The following MAP4 variants were observed in gnomAD, a reference collection of about 807,000 sequenced individuals.
MAP4 encodes the protein microtubule associated protein 4.
MAP4 carries 76 observed loss-of-function variants against 170.2 expected under a neutral mutation model. The observed-to-expected ratio is 0.45, with a 90% CI of 0.37 to 0.54. MAP4 has a LOEUF of 0.54. MAP4 is among the 20% of genes least tolerant of loss of function. The pLI, the probability that MAP4 is intolerant of heterozygous loss-of-function variation, is 0.00. For missense variants in MAP4, 2,506 were observed against 2,748.0 expected, an observed-to-expected ratio of 0.91 and a Z score of 1.97; for synonymous variants, 909 against 994.5, an observed-to-expected ratio of 0.91 and a Z score of 1.62.
intron 2 of MAP4, among the ~76,000 whole-genome samples, chr3:47,979,675 G>C (rs1189761770): frequency 6.6e-6 from 1 of 152,034 alleles, no homozygotes; most frequent in Non-Finnish European, 1.5e-5. Flanking sequence ...TGGCCAAGCT[G>C]GTCTCAAACT....
chr3:47,894,074 A>G (rs74971749), intron 10 of MAP4, among the ~76,000 whole-genome samples: 1 of 147,276 alleles, frequency 6.8e-6, no homozygotes, highest in East Asian at 2.0e-4. Context: ...TGCAATGCTG[A>G]AAAAAAAAAA....
intron 1 of MAP4, among the ~76,000 whole-genome samples, chr3:48,003,094 GAA>G (rs1229589081): frequency 1.3e-5 from 2 of 151,956 alleles, no homozygotes; most frequent in African/African-American, 2.4e-5. Context: ...TTATGTCAAA[GAA>G]AGACACGCAC....
intron 17 of MAP4, among the ~76,000 whole-genome samples, chr3:47,865,702 G>A (rs2151493701): frequency 1.3e-5 from 2 of 152,304 alleles, no homozygotes; most frequent in East Asian, 1.9e-4. Flanking sequence ...TAAGGAGAAA[G>A]AACCGAATGA....
At chr3:47,900,529 A>C (rs1027188448) in intron 10 of MAP4, among the ~76,000 whole-genome samples, 1 of 152,090 alleles carries the variant, frequency 6.6e-6, no homozygotes, top group Admixed American at 6.6e-5. Context: ...CACCTGCTGG[A>C]GTTTGAGACT....
At chr3:48,054,500 G>C (rs1344349935) in intron 1 of MAP4, among the ~76,000 whole-genome samples, 1 of 150,624 alleles carries the variant, frequency 6.6e-6, no homozygotes, top group South Asian at 2.1e-4. Context: ...TGTGGTGGCG[G>C]GCGCCTGTAA....
intron 2 of MAP4, among the ~76,000 whole-genome samples, chr3:47,994,505 G>T (rs761117225): frequency 6.6e-6 from 1 of 152,162 alleles, no homozygotes; most frequent in Non-Finnish European, 1.5e-5. Context: ...CATCATCTGG[G>T]AATGAGCCTA....
chr3:48,030,502 C>T lies in MAP4; in HGVS notation c.-19-31623G>A, dbSNP rs1294490756. 4.7e-5 allele frequency among the ~76,000 whole-genome samples: 7 copies of T among 147,970 alleles called. No homozygotes were observed. The East Asian group carries it at 5.9e-4, about 13-fold the overall frequency. ...AATAAAAATAAAAAAAAAAAAACAA[C>T]GATAGGGGTAAGTTGGCCGGACGAG... On this transcript the variant is annotated intron_variant, in intron 1 of 18. Transcript: ENST00000360240.
intron 3 of MAP4, among the ~76,000 whole-genome samples, chr3:47,950,147 G>A (rs1430931124): frequency 6.6e-6 from 1 of 152,154 alleles, no homozygotes; most frequent in Non-Finnish European, 1.5e-5. Flanking sequence ...CTCTGCCTCA[G>A]GCACAGAGGG....
chr3:48,069,406 GTTA>G (rs1210851674), intron 1 of MAP4, among the ~76,000 whole-genome samples: 7 of 152,172 alleles, frequency 4.6e-5, no homozygotes. Context: ...AGACCTCACA[GTTA>G]TTATGTGGTA....
At chr3:48,071,487 T>C (rs1346370840) in intron 1 of MAP4, among the ~76,000 whole-genome samples, 1 of 151,868 alleles carries the variant, frequency 6.6e-6, no homozygotes, top group African/African-American at 2.4e-5. Flanking sequence ...AGGTCAAGGC[T>C]GCAATGAGCC....
intron 1 of MAP4, among the ~76,000 whole-genome samples, chr3:48,029,988 CA>C (rs67775405): frequency 2.8e-4 from 36 of 130,592 alleles, no homozygotes; most frequent in South Asian, 1.2e-3. Context: ...GATTCCATCT[CA>C]AAAAAAAAAA....
At chr3:47,906,778 G>C (rs1378123379) in intron 9 of MAP4, among the ~76,000 whole-genome samples, 1 of 147,428 alleles carries the variant, frequency 6.8e-6, no homozygotes, top group Non-Finnish European at 1.5e-5. Context: ...CTAGAGACAT[G>C]TACCAGGAAA....
chr3:47,897,306 T>C (rs1171276427), intron 10 of MAP4, among the ~76,000 whole-genome samples: 1 of 152,076 alleles, frequency 6.6e-6, no homozygotes, highest in Non-Finnish European at 1.5e-5. Context: ...TTTGTATTTT[T>C]AGTAGAGACA....
intron 3 of MAP4, among the ~76,000 whole-genome samples, chr3:47,955,103 G>A (rs968333590): frequency 1.3e-5 from 2 of 152,128 alleles, no homozygotes; most frequent in African/African-American, 4.8e-5. Flanking sequence ...TTTGTCCTGT[G>A]CAGAAGTCAG....
intron 3 of MAP4, among the ~76,000 whole-genome samples, chr3:47,930,677 C>G (rs2100049212): frequency 6.6e-6 from 1 of 151,904 alleles, no homozygotes; most frequent in Non-Finnish European, 1.5e-5. Flanking sequence ...GCCTGTAATC[C>G]CAGCACTTTG....
intron 1 of MAP4, among the ~76,000 whole-genome samples, chr3:48,080,355 A>G (rs1189854330): frequency 6.6e-6 from 1 of 152,232 alleles, no homozygotes; most frequent in Non-Finnish European, 1.5e-5. Flanking sequence ...CTCTTCTATG[A>G]TTCTACGAGG....
intron 3 of MAP4, among the ~76,000 whole-genome samples, chr3:47,971,425 A>G (rs1423479192): frequency 6.6e-6 from 1 of 152,164 alleles, no homozygotes; most frequent in East Asian, 1.9e-4. Context: ...ACCAGATGAG[A>G]TAGTGATGAA....
At chr3:47,888,129 T>C (rs2097918949) in intron 10 of MAP4, among the ~76,000 whole-genome samples, 2 of 152,170 alleles carry the variant, frequency 1.3e-5, no homozygotes, top group South Asian at 4.2e-4. Flanking sequence ...ACTAATCTGA[T>C]GGGGACACGG....
At chr3:48,085,143 T>A (rs926072328) in intron 1 of MAP4, among the ~76,000 whole-genome samples, 1 of 147,376 alleles carries the variant, frequency 6.8e-6, no homozygotes, top group Non-Finnish European at 1.5e-5. Context: ...TTTTCTCACA[T>A]CTTAAGGAAA....
Sources: allele counts gnomAD v4.1 joint callset (sites outside exome capture counted in the v4.1 genomes callset), GRCh38; gene constraint gnomAD v4.1.1; transcripts MANE v1.5; gene names NCBI Gene and HGNC (gene_info 2026-07-23, HGNC 2026-07-21).